STK32B: variants seen among roughly 807,000 people sequenced by gnomAD.
STK32B encodes serine/threonine kinase 32B.
In STK32B, 43 loss-of-function variants were observed where a neutral mutation model predicts 52.6. The observed-to-expected ratio is 0.82, with a 90% CI of 0.64 to 1.05. The LOEUF (loss-of-function observed/expected upper bound fraction) is 1.05. STK32B is among the 50% of genes least tolerant of loss of function. The pLI, the probability that STK32B is intolerant of heterozygous loss-of-function variation, is 0.00. For missense variants in STK32B, 621 were observed against 534.6 expected (o/e 1.16, Z -1.59); for synonymous variants, 238 against 204.3 (o/e 1.17, Z -1.41).
At chr4:5,152,881 G>A (rs1169737532) in intron 2 of STK32B, among the ~76,000 whole-genome samples, 1 of 152,154 alleles carries the variant, frequency 6.6e-6, no homozygotes, top group Non-Finnish European at 1.5e-5. Context: ...TTTTCTGCTC[G>A]GTGAGATCAT....
intron 4 of STK32B, among the ~76,000 whole-genome samples, chr4:5,351,397 A>C (rs753248932): frequency 4.6e-5 from 7 of 152,148 alleles, no homozygotes; most frequent in Non-Finnish European, 1.0e-4. Flanking sequence ...GAGAAAGTCA[A>C]AATACTTCTT....
chr4:5,168,091 A>G (rs566923962), intron 2 of STK32B, among the ~76,000 whole-genome samples: 2 of 152,260 alleles, frequency 1.3e-5, no homozygotes, highest in East Asian at 1.9e-4. Context: ...GCTCATGTCA[A>G]TGTTTAATAA....
At chr4:5,364,214 C>G (rs1195204118) in intron 4 of STK32B, among the ~76,000 whole-genome samples, 5 of 152,206 alleles carry the variant, frequency 3.3e-5, no homozygotes, top group Non-Finnish European at 2.9e-5. Context: ...GGTACAGCAT[C>G]TTGTCATAAT....
intron 11 of STK32B, among the ~76,000 whole-genome samples, chr4:5,483,162 G>C (rs556358663): frequency 5.3e-4 from 80 of 151,926 alleles, no homozygotes; most frequent in Non-Finnish European, 2.2e-4. Context: ...AGAAGGAATG[G>C]TACCAGTTCC....
chr4:5,138,994 A>G (rs1418352342), intron 1 of STK32B, among the ~76,000 whole-genome samples: 1 of 152,170 alleles, frequency 6.6e-6, no homozygotes, highest in African/African-American at 2.4e-5. Flanking sequence ...GAGGAAGCAG[A>G]GGACAAGCAA....
At chr4:5,126,328 C>G (rs1287899275) in intron 1 of STK32B, among the ~76,000 whole-genome samples, 5 of 152,242 alleles carry the variant, frequency 3.3e-5, no homozygotes, top group Non-Finnish European at 7.3e-5. Context: ...TTCTCTCCAC[C>G]TCCTTGTCGG....
rs561571742 is a variant in STK32B at position 5,456,925 on chromosome 4, T to C, written c.783+2T>C. ...GGGATGGTGGCCCTGCTGAGGAAGG[T>C]AAGGGGGCAGCTTCCAGCCTGCCCC... On this transcript the variant is annotated splice_donor_variant, in intron 8 of 11. Transcript: ENST00000282908. LOFTEE classifies it high-confidence loss of function. 6.5e-7 allele frequency: 1 copy of C among 1,530,910 alleles called. No individual in the cohort carries two copies. The highest frequency in any genetic ancestry group is 2.5e-5 in the East Asian group (1 of 40,490). The allele number at this position is 1,530,910 out of a possible 1,614,324, so 94.8% of individuals were successfully genotyped here. A position where few individuals can be genotyped will look rare whatever the true frequency, so the allele number is the denominator to read the frequency against.
intron 4 of STK32B, among the ~76,000 whole-genome samples, chr4:5,351,955 TA>T (rs970685215): frequency 6.6e-6 from 1 of 151,934 alleles, no homozygotes; most frequent in African/African-American, 2.4e-5. Flanking sequence ...GAATTAGTAA[TA>T]AAAAGTCTCT....
intron 3 of STK32B, among the ~76,000 whole-genome samples, chr4:5,325,947 G>A (rs1190802909): frequency 2.0e-5 from 3 of 152,218 alleles, no homozygotes; most frequent in Non-Finnish European, 2.9e-5. Flanking sequence ...ATAATATTGA[G>A]TGTCTCTGGG....
At chr4:5,339,487 C>G (rs1340145779) in intron 4 of STK32B, among the ~76,000 whole-genome samples, 1 of 150,724 alleles carries the variant, frequency 6.6e-6, no homozygotes, top group Non-Finnish European at 1.5e-5. Flanking sequence ...CTGAACACAA[C>G]CATGTGTAAG....
At chr4:5,311,258 C>A (rs6815069) in intron 3 of STK32B, among the ~76,000 whole-genome samples, 19,497 of 152,066 alleles carry the variant, frequency 0.13, 2,710 homozygotes, top group African/African-American at 0.36. Context: ...AATGATAAAC[C>A]TTTGAGATGA....
chr4:5,204,458 TTTTTGTTTTG>T (rs10694962), intron 3 of STK32B, among the ~76,000 whole-genome samples: 2 of 146,756 alleles, frequency 1.4e-5, no homozygotes, highest in African/African-American at 2.5e-5. Flanking sequence ...TTTTTAGGTT[TTTTTGTTTTG>T]TTTTGTTTTG....
chr4:5,203,543 G>A (rs891884083), intron 3 of STK32B, among the ~76,000 whole-genome samples: 2 of 152,086 alleles, frequency 1.3e-5, no homozygotes, highest in African/African-American at 2.4e-5. Context: ...GACTGTACAG[G>A]GGTTGGGCCC....
intron 2 of STK32B, among the ~76,000 whole-genome samples, chr4:5,141,055 T>C (rs1716407539): frequency 6.6e-6 from 1 of 152,182 alleles, no homozygotes; most frequent in African/African-American, 2.4e-5. Flanking sequence ...GAGCTATCAA[T>C]AGGGTAGCCA....
chr4:5,426,837 GTCTT>G (rs1384816573), intron 6 of STK32B: 1 of 151,378 alleles, frequency 6.6e-6, no homozygotes, highest in Non-Finnish European at 1.5e-5. Flanking sequence ...TCAGTGGCTT[GTCTT>G]TCTATTATCT....
chr4:5,146,824 G>A (rs1391199528), intron 2 of STK32B, among the ~76,000 whole-genome samples: 1 of 152,090 alleles, frequency 6.6e-6, no homozygotes, highest in East Asian at 1.9e-4. Flanking sequence ...ATTACTGCAG[G>A]TTTCTGGTGT....
intron 1 of STK32B, among the ~76,000 whole-genome samples, chr4:5,070,048 G>T (rs566870928): frequency 5.8e-4 from 88 of 152,310 alleles, no homozygotes; most frequent in African/African-American, 2.1e-3. Context: ...CAGGCAGGGG[G>T]CTGCTGTTTA....
Position 5,159,719 on chromosome 4 carries a change from ATG to A in STK32B, c.109-8578_109-8577del, listed in dbSNP as rs1406137359. On this transcript the variant is annotated intron_variant, in intron 2 of 11. Transcript: ENST00000282908. ...TGAATATATATGAATATATATATGA[ATG>A]TATATGAATATATATATGAATATAT... is the stretch of plus-strand genomic sequence containing the variant. Among the ~76,000 whole-genome samples, 12 of 107,044 alleles carry A rather than the reference ATG, an allele frequency of 1.1e-4. 1 individual carries two copies. Among genetic ancestry groups the A allele is most frequent in the East Asian group, 2.1e-4 (1 of 4,806 alleles). 70.2% of individuals were successfully genotyped at this position (107,044 alleles called of 152,430 possible). A position where few individuals can be genotyped will look rare whatever the true frequency, so the allele number is the denominator to read the frequency against.
intron 3 of STK32B, among the ~76,000 whole-genome samples, chr4:5,316,259 A>C (rs184714029): frequency 1.2e-5 from 1 of 81,718 alleles, no homozygotes; most frequent in Non-Finnish European, 2.0e-5. Flanking sequence ...TATATAATAT[A>C]TTATATAGTA....
Sources: allele counts gnomAD v4.1 joint callset (sites outside exome capture counted in the v4.1 genomes callset), GRCh38; gene constraint gnomAD v4.1.1; transcripts MANE v1.5; gene names NCBI Gene and HGNC (gene_info 2026-07-23, HGNC 2026-07-21).